Variants in CGNL1 observed in about 807,000 individuals in gnomAD.
CGNL1 encodes cingulin like 1, also known as cingulin-like protein 1.
CGNL1 carries 132 observed loss-of-function variants against 141.2 expected under a neutral mutation model. The ratio of observed to expected loss-of-function variants is 0.93; its 90% CI spans 0.81 to 1.08. The LOEUF is 1.08. Ranked by LOEUF, CGNL1 falls within the 50% of genes least tolerant of loss-of-function variation. The pLI, the probability that CGNL1 is intolerant of heterozygous loss-of-function variation, is 0.00. For missense variants in CGNL1, 1,870 were observed against 1,588.6 expected (o/e 1.18, Z -3.01); for synonymous variants, 690 against 622.1 (o/e 1.11, Z -1.63).
intron 1 of CGNL1, among the ~76,000 whole-genome samples, chr15:57,383,292 C>CTTTTTTGTTTTT (rs2062443702): frequency 3.6e-5 from 4 of 109,618 alleles, no homozygotes; most frequent in African/African-American, 1.5e-4. Flanking sequence ...TTCTTTCTTC[C>CTTTTTTGTTTTT]TTTTTTTTTT....
chr15:57,541,486 T>G (rs1367155468), intron 14 of CGNL1, among the ~76,000 whole-genome samples: 1 of 152,228 alleles, frequency 6.6e-6, no homozygotes, highest in Non-Finnish European at 1.5e-5. Context: ...TCTGGTGCCC[T>G]CTTTGCAGTG....
intron 7 of CGNL1, among the ~76,000 whole-genome samples, chr15:57,455,492 CCT>C (rs752041616): frequency 1.1e-3 from 161 of 152,264 alleles, no homozygotes; most frequent in African/African-American, 3.6e-3. Flanking sequence ...CCTGATATCC[CCT>C]GTCCTTTTAG....
intron 1 of CGNL1, among the ~76,000 whole-genome samples, chr15:57,381,196 G>T (rs1400741889): frequency 1.3e-5 from 2 of 152,156 alleles, no homozygotes; most frequent in Admixed American, 1.3e-4. Context: ...TTCCTGAGAG[G>T]CAGGTGGCAG....
intron 4 of CGNL1, among the ~76,000 whole-genome samples, chr15:57,443,638 T>C (rs2063217516): frequency 6.6e-6 from 1 of 152,220 alleles, no homozygotes; most frequent in African/African-American, 2.4e-5. Context: ...TACACACACA[T>C]ACGCAATTCC....
At chr15:57,493,171 C>G (rs2063890220) in intron 8 of CGNL1, among the ~76,000 whole-genome samples, 1 of 152,166 alleles carries the variant, frequency 6.6e-6, no homozygotes, top group Non-Finnish European at 1.5e-5. Context: ...GAAGTTAATG[C>G]TGGTAAAGTT....
intron 14 of CGNL1, among the ~76,000 whole-genome samples, chr15:57,537,286 G>A (rs1595810218): frequency 6.6e-6 from 1 of 152,128 alleles, no homozygotes; most frequent in East Asian, 1.9e-4. Flanking sequence ...TTGTTGCCTC[G>A]GCAACTGCAG....
At chr15:57,490,954 A>G (rs926256372) in intron 8 of CGNL1, among the ~76,000 whole-genome samples, 1 of 152,184 alleles carries the variant, frequency 6.6e-6, no homozygotes, top group African/African-American at 2.4e-5. Context: ...TACCTTGCGC[A>G]GTACTCCTCA....
At chr15:57,471,316 A>G (rs1349869027) in intron 8 of CGNL1, among the ~76,000 whole-genome samples, 1 of 152,234 alleles carries the variant, frequency 6.6e-6, no homozygotes, top group Non-Finnish European at 1.5e-5. Context: ...TTAGCCTCAC[A>G]GTGCAGGAAG....
intron 1 of CGNL1, among the ~76,000 whole-genome samples, chr15:57,417,741 T>C (rs367990774): frequency 1.3e-5 from 2 of 151,804 alleles, no homozygotes; most frequent in East Asian, 3.9e-4. Flanking sequence ...CAAAAGCCAA[T>C]ATAGCCCCTG....
intron 13 of CGNL1, 68 bp downstream of exon 13, chr15:57,528,883 C>A: frequency 6.6e-7 from 1 of 1,515,450 alleles, no homozygotes; most frequent in Non-Finnish European, 9.0e-7. Context: ...AGAGAAGCAG[C>A]CTCTTTGCTC....
chr15:57,498,329 A>AG (rs1354368082), intron 8 of CGNL1, among the ~76,000 whole-genome samples: 2 of 131,884 alleles, frequency 1.5e-5, no homozygotes, highest in Non-Finnish European at 3.1e-5. Context: ...GGCTCACTGC[A>AG]GCCTCAATCT....
At chr15:57,383,608 TTTCTTTTC>T (rs1321363935) in intron 1 of CGNL1, among the ~76,000 whole-genome samples, 1 of 75,996 alleles carries the variant, frequency 1.3e-5, no homozygotes, top group East Asian at 7.6e-4. Flanking sequence ...TTTCTTTTCT[TTTCTTTTC>T]TTTTCTTTTC....
At chr15:57,381,143 A>G (rs2062419844) in intron 1 of CGNL1, among the ~76,000 whole-genome samples, 1 of 152,220 alleles carries the variant, frequency 6.6e-6, no homozygotes, top group Non-Finnish European at 1.5e-5. Context: ...AGTGCCAGGT[A>G]GCATGCTCAG....
At chr15:57,506,475 A>T (rs1231015471) in intron 8 of CGNL1, among the ~76,000 whole-genome samples, 1 of 152,204 alleles carries the variant, frequency 6.6e-6, no homozygotes, top group Non-Finnish European at 1.5e-5. Context: ...GTGTTAAAAA[A>T]ACAAAGCAAA....
At chr15:57,437,073 G>T (rs1337776548) in intron 1 of CGNL1, among the ~76,000 whole-genome samples, 6 of 152,114 alleles carry the variant, frequency 3.9e-5, no homozygotes, top group African/African-American at 1.4e-4. Context: ...TTTGCAAAGT[G>T]TTAGAAGTGA....
At chr15:57,483,704 G>T (rs2063754847) in intron 8 of CGNL1, among the ~76,000 whole-genome samples, 1 of 151,858 alleles carries the variant, frequency 6.6e-6, no homozygotes, top group Admixed American at 6.6e-5. Context: ...CTTAGGGGGA[G>T]GTATTCAGTT....
At chr15:57,425,461 G>A (rs567463287) in intron 1 of CGNL1, among the ~76,000 whole-genome samples, 1 of 152,184 alleles carries the variant, frequency 6.6e-6, no homozygotes, top group Non-Finnish European at 1.5e-5. Context: ...CTACATTCAG[G>A]CCAGGTGCAC....
In CGNL1 at chr15:57,434,321, A is replaced by T. The variant is rs2063079514; in HGVS notation, c.-15-3664A>T. Among the ~76,000 whole-genome samples, 3 of 152,220 alleles carry T rather than the reference A, an allele frequency of 2.0e-5. No individual in the cohort carries two copies. The South Asian group carries it at 6.2e-4, about 32-fold the overall frequency. On this transcript the variant is annotated intron_variant, in intron 1 of 18. Transcript: ENST00000281282. ...TGTATCTCTGAAAAGTAGAGTAAAA[A>T]AGATGGAGTTAAAAAGCAGGAGAGA...
At position 57,547,514 on chromosome 15, in the gene CGNL1, A is replaced by C. The variant is rs1595822312; in HGVS notation, c.*24A>C. On this transcript the variant is annotated 3_prime_UTR_variant, in exon 19 of 19. Coordinates refer to ENST00000281282, the MANE Select transcript of CGNL1 (RefSeq NM_032866.5). ...GAGTGCTCTCCCGGGCTGTGGAAGTACCTGTCATTCCTGCAGGAGCTGCAG... is the reference window on the plus strand; with the variant it reads ...GAGTGCTCTCCCGGGCTGTGGAAGTCCCTGTCATTCCTGCAGGAGCTGCAG... 6.2e-7 allele frequency: 1 copy of C among 1,607,142 alleles called. No homozygotes were observed. The highest frequency in any genetic ancestry group is 1.1e-5 in the South Asian group (1 of 89,938).
Sources: allele counts gnomAD v4.1 joint callset (sites outside exome capture counted in the v4.1 genomes callset), GRCh38; gene constraint gnomAD v4.1.1; transcripts MANE v1.5; gene names NCBI Gene and HGNC (gene_info 2026-07-23, HGNC 2026-07-21).